The following RBM47 variants were observed in gnomAD, a reference collection of about 807,000 sequenced individuals.
The protein encoded by RBM47 is RNA-binding protein 47.
RBM47 carries 21 observed loss-of-function variants against 47.1 expected under a neutral mutation model. The ratio of observed to expected loss-of-function variants is 0.45; its 90% CI spans 0.32 to 0.64. The LOEUF (loss-of-function observed/expected upper bound fraction) is 0.64, where lower values mean the gene tolerates loss of function less well. RBM47 is among the 30% of genes least tolerant of loss of function. RBM47 has a pLI of 0.05. For synonymous variants in RBM47, 375 were observed against 361.7 expected (o/e 1.04, Z -0.42); for missense variants, 708 against 870.9 (o/e 0.81, Z 2.35).
chr4:40,573,256 C>A (rs1389720593), intron 1 of RBM47, among the ~76,000 whole-genome samples: 2 of 151,484 alleles, frequency 1.3e-5, no homozygotes, highest in African/African-American at 2.4e-5. Flanking sequence ...ATCTTATATG[C>A]ATTTTTTAAA....
At chr4:40,463,904 C>T (rs114525900) in intron 3 of RBM47, among the ~76,000 whole-genome samples, 4,893 of 151,840 alleles carry the variant, frequency 0.032, 119 homozygotes, top group Middle Eastern at 0.054. Context: ...ATATATGATG[C>T]GTGGGGATAG....
intron 1 of RBM47, among the ~76,000 whole-genome samples, chr4:40,562,954 T>C (rs140385665): frequency 2.5e-3 from 375 of 152,314 alleles, no homozygotes; most frequent in Non-Finnish European, 4.1e-3. Flanking sequence ...AAGGGTCAAG[T>C]ACAATGACAA....
chr4:40,579,817 A>G (rs1578002554), intron 1 of RBM47, among the ~76,000 whole-genome samples: 1 of 151,714 alleles, frequency 6.6e-6, no homozygotes, highest in Non-Finnish European at 1.5e-5. Flanking sequence ...GCACAATCAC[A>G]GCTCACTGCA....
rs541672341 is a variant in RBM47 at position 40,606,121 on chromosome 4, C to T, written c.-240+23275G>A. On this transcript the variant is annotated intron_variant, in intron 1 of 6. Coordinates refer to ENST00000295971, the MANE Select transcript of RBM47 (RefSeq NM_001098634.2). The stretch of plus-strand genomic sequence containing the variant: ...GCTGAGGCAGGAGAGTCTCTTAAAC[C>T]CAGGAGGTAGAGGTTGCAGTGAGCC... 1.4e-4 allele frequency among the ~76,000 whole-genome samples: 21 copies of T among 150,470 alleles called. No homozygotes were observed. In the East Asian group the frequency reaches 3.7e-3, roughly 27 times the overall value.
intron 3 of RBM47, among the ~76,000 whole-genome samples, chr4:40,439,734 C>T (rs1484970117): frequency 1.3e-5 from 2 of 152,188 alleles, no homozygotes; most frequent in African/African-American, 2.4e-5. Context: ...TGGTATTATC[C>T]TCAGTCCCAA....
intron 6 of RBM47, 121 bp from the exon 7 acceptor site, chr4:40,426,264 G>A (rs1715027000): frequency 7.6e-7 from 1 of 1,324,184 alleles, no homozygotes; most frequent in Non-Finnish European, 1.0e-6. Flanking sequence ...GGAGAGAAAG[G>A]CAGAGGGGCG....
At chr4:40,596,493 G>A (rs73134432) in intron 1 of RBM47, among the ~76,000 whole-genome samples, 3,545 of 152,218 alleles carry the variant, frequency 0.023, 129 homozygotes, top group African/African-American at 0.081. Flanking sequence ...AGGGTCAGAC[G>A]GGAAAAATTT....
chr4:40,431,202 G>T (rs1715936023), intron 6 of RBM47, among the ~76,000 whole-genome samples: 1 of 152,164 alleles, frequency 6.6e-6, no homozygotes, highest in African/African-American at 2.4e-5. Flanking sequence ...GCTTTAACAA[G>T]ATTTTCTTCT....
intron 3 of RBM47, among the ~76,000 whole-genome samples, chr4:40,450,691 A>C (rs1715279847): frequency 6.6e-6 from 1 of 152,112 alleles, no homozygotes; most frequent in South Asian, 2.1e-4. Flanking sequence ...GGTGTTCTCT[A>C]ACCCAGGGTT....
chr4:40,582,393 G>A (rs1455090726), intron 1 of RBM47, among the ~76,000 whole-genome samples: 1 of 152,146 alleles, frequency 6.6e-6, no homozygotes, highest in Admixed American at 6.6e-5. Flanking sequence ...AATTAGCCAG[G>A]TGTGGTGGTG....
At chr4:40,597,248 A>G (rs890910382) in intron 1 of RBM47, among the ~76,000 whole-genome samples, 1 of 151,132 alleles carries the variant, frequency 6.6e-6, no homozygotes, top group Non-Finnish European at 1.5e-5. Context: ...TGACAGAGCG[A>G]GATTCCATCT....
At chr4:40,620,125 G>A (rs1241209462) in intron 1 of RBM47, among the ~76,000 whole-genome samples, 1 of 150,972 alleles carries the variant, frequency 6.6e-6, no homozygotes, top group African/African-American at 2.4e-5. Context: ...AAACCAGGGA[G>A]GCGGAGTTTG....
At chr4:40,597,754 GTAAAAGGCATTAAA>G (rs1427400227) in intron 1 of RBM47, among the ~76,000 whole-genome samples, 1 of 152,146 alleles carries the variant, frequency 6.6e-6, no homozygotes, top group Non-Finnish European at 1.5e-5. Context: ...GATTATGTTA[GTAAAAGGCATTAAA>G]TAAATAAGCA....
At chr4:40,443,850 A>G (rs1714084973) in intron 3 of RBM47, among the ~76,000 whole-genome samples, 1 of 151,140 alleles carries the variant, frequency 6.6e-6, no homozygotes, top group Non-Finnish European at 1.5e-5. Flanking sequence ...TAAATAAATT[A>G]TATGGTGTGC....
intron 1 of RBM47, among the ~76,000 whole-genome samples, chr4:40,617,996 T>A (rs1217411252): frequency 6.6e-6 from 1 of 152,038 alleles, no homozygotes; most frequent in Non-Finnish European, 1.5e-5. Flanking sequence ...ATCCCAGTAC[T>A]TTGGGAGGCT....
chr4:40,516,362 C>T (rs1240423220), intron 2 of RBM47, among the ~76,000 whole-genome samples: 1 of 150,738 alleles, frequency 6.6e-6, no homozygotes, highest in East Asian at 2.0e-4. Context: ...CAAGTTCAAG[C>T]GATTCTCCTG....
At chr4:40,616,651 C>A (rs973310561) in intron 1 of RBM47, among the ~76,000 whole-genome samples, 1 of 151,986 alleles carries the variant, frequency 6.6e-6, no homozygotes, top group African/African-American at 2.4e-5. Context: ...TTAAAATGTG[C>A]CTGTATCAGC....
intron 2 of RBM47, among the ~76,000 whole-genome samples, chr4:40,526,299 CGCCAGCCTG>C (rs1726701223): frequency 6.6e-6 from 1 of 152,180 alleles, no homozygotes; most frequent in African/African-American, 2.4e-5. Flanking sequence ...ATCTACTCCC[CGCCAGCCTG>C]GCTGCCCTTC....
At chr4:40,603,824 G>A (rs953744384) in intron 1 of RBM47, among the ~76,000 whole-genome samples, 2 of 152,012 alleles carry the variant, frequency 1.3e-5, no homozygotes, top group African/African-American at 4.8e-5. Flanking sequence ...CTGGTCTCGA[G>A]CTCCTGAGCT....
Sources: allele counts gnomAD v4.1 joint callset (sites outside exome capture counted in the v4.1 genomes callset), GRCh38; gene constraint gnomAD v4.1.1; transcripts MANE v1.5; gene names NCBI Gene and HGNC (gene_info 2026-07-23, HGNC 2026-07-21).